Variants in VIPR1 observed in about 807,000 individuals in gnomAD.
VIPR1 encodes the protein vasoactive intestinal peptide receptor 1, also known as vasoactive intestinal polypeptide receptor 1.
Under a neutral mutation model 58.8 loss-of-function variants are expected in VIPR1, and 59 were observed. That is an observed-to-expected ratio of 1.00 (90% CI 0.81 to 1.25). VIPR1 has a LOEUF of 1.25. Ranked by LOEUF, VIPR1 falls within the 50% of genes most tolerant of loss-of-function variation. The pLI is 0.00. For synonymous variants in VIPR1, 251 were observed against 242.1 expected (o/e 1.04, Z -0.34); for missense variants, 626 against 602.7 (o/e 1.04, Z -0.40).
rs1701551847 is a variant in VIPR1 at position 42,531,527 on chromosome 3, T to C, written c.847T>C (p.Tyr283His). The stretch of plus-strand genomic sequence containing the variant: ...CATCGCCAGGATCCATTTTGAGGAT[T>C]ATGGGTGAGCTGCTGCCCCACACAC... ...WTIARIHFED[Y>H]GCWDTINSSL... The change falls in exon 8 of 13, where the codon TAT (tyrosine) becomes CAT (histidine). Residue 283 changes from tyrosine to histidine, a missense_variant. Physicochemically the swap from Tyr to His is moderately conservative, Grantham distance 83 (BLOSUM62 2). Coordinates refer to ENST00000325123, the MANE Select transcript of VIPR1 (RefSeq NM_004624.4). The C allele has an allele frequency of 3.1e-6, 5 of 1,596,486 alleles. No homozygotes were observed. In the East Asian group the frequency reaches 9.1e-5, roughly 29 times the overall value.
intron 2 of VIPR1, among the ~76,000 whole-genome samples, chr3:42,518,455 T>G (rs1254303513): frequency 6.6e-6 from 1 of 152,190 alleles, no homozygotes; most frequent in East Asian, 1.9e-4. Flanking sequence ...ACAGCTTGTG[T>G]TGGCCGGGCG....
intron 3 of VIPR1, among the ~76,000 whole-genome samples, chr3:42,520,676 T>G (rs1209695495): frequency 6.6e-6 from 1 of 151,926 alleles, no homozygotes; most frequent in Non-Finnish European, 1.5e-5. Context: ...GAGCAGAACT[T>G]ATATAATTAT....
chr3:42,503,358 C>T (rs150861423), intron 1 of VIPR1, among the ~76,000 whole-genome samples: 6 of 152,042 alleles, frequency 3.9e-5, no homozygotes, highest in Non-Finnish European at 8.8e-5. Flanking sequence ...CTGAGCAAAG[C>T]AAAAAGGTAC....
upstream of VIPR1, among the ~76,000 whole-genome samples, chr3:42,497,996 G>A (rs545072998): frequency 6.6e-6 from 1 of 152,314 alleles, no homozygotes; most frequent in Non-Finnish European, 1.5e-5. Context: ...GGTTTTGAGG[G>A]AAGGAGTTCT....
At chr3:42,514,576 C>CACACACAT in intron 2 of VIPR1, among the ~76,000 whole-genome samples, 1 of 150,874 alleles carries the variant, frequency 6.6e-6, no homozygotes, top group East Asian at 1.9e-4. Flanking sequence ...CACACACATA[C>CACACACAT]ACACACGCCC....
chr3:42,530,814 T>C lies in VIPR1; in HGVS notation c.672T>C (p.Tyr224=), dbSNP rs1419510833. 2.1e-5 allele frequency: 34 copies of C among 1,613,964 alleles called. No homozygotes were observed. Among genetic ancestry groups the C allele is most frequent in the Non-Finnish European group, 2.4e-5 (28 of 1,179,970 alleles). ...GCKAAMVFFQ[Y]CVMANFFWLL... ...AGGCAGCCATGGTCTTTTTCCAATA[T>C]TGTGTCATGGCTAACTTCTTCTGGC... The change falls in exon 7 of 13, where the codon TAT becomes TAC. Residue 224 remains tyrosine, a synonymous_variant. Transcript: ENST00000325123.
chr3:42,526,903 G>A (rs1157034822), intron 4 of VIPR1, among the ~76,000 whole-genome samples: 1 of 152,004 alleles, frequency 6.6e-6, no homozygotes, highest in East Asian at 1.9e-4. Context: ...AACTCCCAAG[G>A]GCCCAAAATG....
chr3:42,530,495 G>A, intron 6 of VIPR1: 1 of 369,946 alleles, frequency 2.7e-6, no homozygotes, highest in Non-Finnish European at 5.0e-6. Context: ...GGATAGGTGG[G>A]TAGATGATTG....
chr3:42,530,757 G>A (rs761734417), intron 6 of VIPR1, 22 bp from the exon 7 acceptor site: 77 of 1,612,028 alleles, frequency 4.8e-5, no homozygotes, highest in Middle Eastern at 1.6e-4. Context: ...AGTGAACCCC[G>A]TCTTTTCTCC....
At chr3:42,535,467 G>A in intron 12 of VIPR1, 83 bp downstream of exon 12, 1 of 1,466,786 alleles carries the variant, frequency 6.8e-7, no homozygotes, top group Non-Finnish European at 9.5e-7. Context: ...TATGTGCAGA[G>A]CAAGGACGGG....
intron 9 of VIPR1, 159 bp from the exon 10 acceptor site, chr3:42,532,083 G>C: frequency 2.2e-6 from 2 of 904,542 alleles, no homozygotes; most frequent in Non-Finnish European, 3.5e-6. Flanking sequence ...AGGAGGTAGA[G>C]TTCCCGGATG....
At chr3:42,498,880 A>T (rs1327771969), upstream of VIPR1, among the ~76,000 whole-genome samples, 1 of 152,088 alleles carries the variant, frequency 6.6e-6, no homozygotes, top group East Asian at 1.9e-4. Flanking sequence ...GGAAGGGAAT[A>T]TTTCTTCTTT....
chr3:42,507,567 G>A (rs555092084), intron 1 of VIPR1, among the ~76,000 whole-genome samples: 5 of 152,306 alleles, frequency 3.3e-5, no homozygotes, highest in South Asian at 2.1e-4. Flanking sequence ...CAACACCAAC[G>A]TCACCCACAG....
At chr3:42,492,814 AG>A (rs1444747855) in intron 1 of VIPR1, among the ~76,000 whole-genome samples, 1 of 152,196 alleles carries the variant, frequency 6.6e-6, no homozygotes, top group Non-Finnish European at 1.5e-5. Flanking sequence ...CACCTCAGGA[AG>A]GGGACTGCAG....
At chr3:42,513,670 A>G in intron 1 of VIPR1, 79 bp from the exon 2 acceptor site, 1 of 1,419,136 alleles carries the variant, frequency 7.0e-7, no homozygotes, top group Non-Finnish European at 9.7e-7. Context: ...GGGAGAGGGC[A>G]GGTGCAGTCC....
upstream of VIPR1, among the ~76,000 whole-genome samples, chr3:42,498,277 C>A (rs530410690): frequency 6.6e-6 from 1 of 152,320 alleles, no homozygotes; most frequent in East Asian, 1.9e-4. Context: ...CAATGCTCTT[C>A]CCAGACAGCC....
intron 6 of VIPR1, chr3:42,528,412 GCA>G: frequency 2.4e-6 from 1 of 418,268 alleles, no homozygotes; most frequent in East Asian, 3.9e-5. Flanking sequence ...ACAGCCCAGA[GCA>G]CCTGTCCCAC....
intron 1 of VIPR1, among the ~76,000 whole-genome samples, chr3:42,491,613 C>T (rs1699666926): frequency 6.6e-6 from 1 of 152,120 alleles, no homozygotes; most frequent in South Asian, 2.1e-4. Context: ...CTCACTGTGT[C>T]ACCCAGGCTG....
At position 42,537,369 on chromosome 3, in the gene VIPR1, T is replaced by A. The variant is rs1701912741; in HGVS notation, c.*1088T>A. The A allele has an allele frequency of 6.6e-6, 1 of 152,174 alleles. No individual in the cohort carries two copies. Among genetic ancestry groups the A allele is most frequent in the Admixed American group, 6.5e-5 (1 of 15,274 alleles). 9.4% of individuals were successfully genotyped at this position (152,174 alleles called of 1,614,324 possible). On this transcript the variant is annotated 3_prime_UTR_variant, in exon 13 of 13. Coordinates refer to ENST00000325123, the MANE Select transcript of VIPR1 (RefSeq NM_004624.4). ...TATTATTAATGCCATTATCCCTGAA[T>A]CCCCCTTGCCACCCCACCCTCCCTG...
Sources: gnomAD v4.1 joint callset for allele counts (sites outside exome capture counted in the v4.1 genomes callset) on GRCh38, gnomAD v4.1.1 for gene constraint, MANE v1.5 for transcripts, NCBI Gene and HGNC (gene_info 2026-07-23, HGNC 2026-07-21) for gene names.